ACTR3C: variants seen among roughly 807,000 people sequenced by gnomAD.
ACTR3C encodes actin related protein 3C.
Under a neutral mutation model 26.3 loss-of-function variants are expected in ACTR3C, and 18 were observed. The observed-to-expected ratio is 0.68, with a 90% CI of 0.47 to 1.01. The LOEUF (loss-of-function observed/expected upper bound fraction) is 1.01. Among genes scored for constraint, ACTR3C ranks in the 50% least tolerant of loss-of-function variants. The pLI, the probability that ACTR3C is intolerant of heterozygous loss-of-function variation, is 0.00. For missense variants in ACTR3C, 184 were observed against 250.7 expected (o/e 0.73, Z 1.80); for synonymous variants, 55 against 94.5 (o/e 0.58, Z 2.42).
At chr7:150,139,503 A>T in the ACTR3C span, among the ~76,000 whole-genome samples, 2 of 152,270 alleles carry the variant, frequency 1.3e-5, no homozygotes, top group Admixed American at 1.3e-4. Flanking sequence ...CCATGATGAG[A>T]GACCTAGATA....
the ACTR3C span, among the ~76,000 whole-genome samples, chr7:149,922,529 G>A: frequency 9.2e-5 from 14 of 151,512 alleles, no homozygotes; most frequent in African/African-American, 2.9e-4. Flanking sequence ...CTTCAGATAC[G>A]TATGCTTAGA....
the ACTR3C span, among the ~76,000 whole-genome samples, chr7:150,226,734 C>T: frequency 2.0e-5 from 3 of 152,038 alleles, no homozygotes; most frequent in Non-Finnish European, 2.9e-5. Flanking sequence ...CACCAGGCCC[C>T]GCCTCATTGC....
At chr7:149,918,457 G>A in the ACTR3C span, among the ~76,000 whole-genome samples, 48 of 152,342 alleles carry the variant, frequency 3.2e-4, no homozygotes, top group East Asian at 8.3e-3. Context: ...TCGGGAGGCC[G>A]AGGCAGGCGG....
At chr7:150,010,447 C>G in the ACTR3C span, among the ~76,000 whole-genome samples, 4 of 152,036 alleles carry the variant, frequency 2.6e-5, no homozygotes, top group African/African-American at 9.7e-5. Flanking sequence ...CAAGTAGGCT[C>G]TACTTTAGGA....
chr7:150,065,492 T>C, the ACTR3C span, among the ~76,000 whole-genome samples: 1 of 152,220 alleles, frequency 6.6e-6, no homozygotes, highest in Non-Finnish European at 1.5e-5. Context: ...TAAGGATACC[T>C]TGTCCATTGA....
the ACTR3C span, among the ~76,000 whole-genome samples, chr7:149,979,532 A>G: frequency 6.9e-6 from 1 of 144,202 alleles, no homozygotes; most frequent in Non-Finnish European, 1.5e-5. Flanking sequence ...AAAAAGATAT[A>G]AAATCATATT....
the ACTR3C span, among the ~76,000 whole-genome samples, chr7:149,974,836 G>C: frequency 6.6e-6 from 1 of 151,732 alleles, no homozygotes; most frequent in Non-Finnish European, 1.5e-5. Context: ...TTTATTTTCA[G>C]TAATTACTAT....
At chr7:150,006,410 G>T in the ACTR3C span, among the ~76,000 whole-genome samples, 2 of 147,506 alleles carry the variant, frequency 1.4e-5, no homozygotes, top group South Asian at 2.2e-4. Context: ...TGTTAGCCAG[G>T]ATGGTCTCGA....
At chr7:150,070,555 A>T in the ACTR3C span, among the ~76,000 whole-genome samples, 9 of 152,088 alleles carry the variant, frequency 5.9e-5, no homozygotes, top group Non-Finnish European at 1.3e-4. Flanking sequence ...AGCTGGAGTG[A>T]TCCTCCCACT....
At chr7:150,219,536 C>T in the ACTR3C span, among the ~76,000 whole-genome samples, 2 of 142,634 alleles carry the variant, frequency 1.4e-5, no homozygotes, top group East Asian at 1.9e-4. Context: ...GCGTATTGAG[C>T]ATGGCCAAGG....
the ACTR3C span, among the ~76,000 whole-genome samples, chr7:149,965,217 A>AT: frequency 7.1e-6 from 1 of 139,892 alleles, no homozygotes; most frequent in Non-Finnish European, 1.5e-5. Context: ...TTTTCCAGAT[A>AT]TTTTTTCCTT....
At chr7:150,276,641 G>A (rs1169956515) in intron 6 of ACTR3C, among the ~76,000 whole-genome samples, 1 of 152,174 alleles carries the variant, frequency 6.6e-6, no homozygotes, top group Non-Finnish European at 1.5e-5. Flanking sequence ...ACAATTAATG[G>A]CAAATTTCTT....
chr7:149,982,786 A>G, the ACTR3C span, among the ~76,000 whole-genome samples: 2 of 152,192 alleles, frequency 1.3e-5, no homozygotes, highest in Non-Finnish European at 2.9e-5. Context: ...TTCTGTGAAG[A>G]TAAGAAAGTT....
At chr7:150,028,160 T>C in the ACTR3C span, among the ~76,000 whole-genome samples, 8 of 152,310 alleles carry the variant, frequency 5.3e-5, no homozygotes, top group East Asian at 1.5e-3. Context: ...ATTCAGAATA[T>C]GGAAATCATC....
the ACTR3C span, among the ~76,000 whole-genome samples, chr7:150,003,538 T>C: frequency 1.3e-5 from 2 of 151,942 alleles, no homozygotes; most frequent in Middle Eastern, 3.5e-3. Flanking sequence ...GTATGTGGTA[T>C]GTGCTGTGTG....
chr7:150,198,837 C>T, the ACTR3C span, among the ~76,000 whole-genome samples: 55 of 146,640 alleles, frequency 3.8e-4, no homozygotes, highest in African/African-American at 1.1e-3. Context: ...CCAGCCGCCC[C>T]GTCTGGGAGG....
chr7:150,127,042 CTG>C, the ACTR3C span, among the ~76,000 whole-genome samples: 7 of 152,304 alleles, frequency 4.6e-5, no homozygotes, highest in South Asian at 1.5e-3. Context: ...AGTCCACACT[CTG>C]TTCTGAACCA....
At chr7:150,036,981 G>A in the ACTR3C span, among the ~76,000 whole-genome samples, 3 of 53,404 alleles carry the variant, frequency 5.6e-5, no homozygotes, top group Admixed American at 5.3e-4. Context: ...TCCCTGCCTC[G>A]CGGGGGGTGC....
chr7:150,194,211 T>C, the ACTR3C span, among the ~76,000 whole-genome samples: 2 of 148,210 alleles, frequency 1.3e-5, no homozygotes, highest in Non-Finnish European at 3.0e-5. Flanking sequence ...CCCTATTTGC[T>C]TCTGATAATT....
Sources: gnomAD v4.1 joint callset for allele counts (sites outside exome capture counted in the v4.1 genomes callset) on GRCh38, gnomAD v4.1.1 for gene constraint, MANE v1.5 for transcripts, NCBI Gene and HGNC (gene_info 2026-07-23, HGNC 2026-07-21) for gene names.